NOL4: variants seen among roughly 807,000 people sequenced by gnomAD.
NOL4 encodes the protein cancer/testis antigen 125.
In NOL4, 17 loss-of-function variants were observed where a neutral mutation model predicts 75.9. That is an observed-to-expected ratio of 0.22 (90% CI 0.15 to 0.34). The LOEUF is 0.34. Among genes scored for constraint, NOL4 ranks in the 10% least tolerant of loss-of-function variants. The pLI is 1.00. For missense variants in NOL4, 614 were observed against 793.5 expected (o/e 0.77, Z 2.72); for synonymous variants, 292 against 289.9 (o/e 1.01, Z -0.07).
chr18:34,012,516 T>G (rs2074432485), intron 6 of NOL4, among the ~76,000 whole-genome samples: 2 of 151,868 alleles, frequency 1.3e-5, no homozygotes, highest in African/African-American at 4.8e-5. Flanking sequence ...TGTGTTTATA[T>G]GCAAAATACA....
intron 1 of NOL4, among the ~76,000 whole-genome samples, chr18:34,159,158 G>C (rs2030992515): frequency 6.6e-6 from 1 of 152,156 alleles, no homozygotes; most frequent in Non-Finnish European, 1.5e-5. Flanking sequence ...GGGGGTGGCA[G>C]GGAGAAAGGC....
At chr18:34,194,986 T>C (rs1013366712) in intron 1 of NOL4, among the ~76,000 whole-genome samples, 3 of 150,330 alleles carry the variant, frequency 2.0e-5, no homozygotes, top group Non-Finnish European at 3.0e-5. Flanking sequence ...ATCACGCCAT[T>C]GCACTCCAGC....
At chr18:33,909,537 G>A (rs1054663050) in intron 9 of NOL4, among the ~76,000 whole-genome samples, 8 of 152,026 alleles carry the variant, frequency 5.3e-5, no homozygotes, top group African/African-American at 1.9e-4. Context: ...CTGAAATCCT[G>A]ATCTTAATTA....
chr18:33,962,547 T>C (rs1056241373), intron 6 of NOL4, among the ~76,000 whole-genome samples: 19 of 152,178 alleles, frequency 1.2e-4, no homozygotes, highest in African/African-American at 4.3e-4. Flanking sequence ...TACTAACATA[T>C]CATAACTATA....
In NOL4 at chr18:33,852,851, T is replaced by C. The variant is rs768047659; in HGVS notation, c.1908A>G (p.Gln636=). The C allele has an allele frequency of 2.5e-6, 4 of 1,611,954 alleles. No individual in the cohort carries two copies. Among genetic ancestry groups the C allele is most frequent in the African/African-American group, 1.3e-5 (1 of 74,818 alleles). ...ATGGTGGTCGTCTGTCTCAGTTCTG[T>C]TGTAAAATGAGATTTTCCAGTTCAT... The part of the protein sequence containing the change: ...SADELENLIL[Q]QN The change falls in exon 11 of 11, where the codon CAA becomes CAG. Residue 636 remains glutamine (Q), a synonymous_variant. Coordinates refer to ENST00000261592, the MANE Select transcript of NOL4 (RefSeq NM_003787.5).
chr18:34,076,827 G>A (rs1304551231), intron 5 of NOL4, among the ~76,000 whole-genome samples: 1 of 151,998 alleles, frequency 6.6e-6, no homozygotes, highest in Admixed American at 6.6e-5. Context: ...CTACAAAATC[G>A]TTGCTAGTAA....
In NOL4 at chr18:34,155,448, T is replaced by A. The variant is rs543969301; in HGVS notation, c.265-25428A>T. 1.1e-4 allele frequency among the ~76,000 whole-genome samples: 16 copies of A among 152,062 alleles called. No individual in the cohort carries two copies. The South Asian group carries it at 3.3e-3, about 32-fold the overall frequency. On this transcript the variant is annotated intron_variant, in intron 1 of 10. Coordinates refer to ENST00000261592, the MANE Select transcript of NOL4 (RefSeq NM_003787.5). ...GGAATTACAGTCATGCATTGCTTAA[T>A]GAGGGGGATATATTCTGAGAAATGC...
chr18:33,863,717 G>T (rs1232896980), intron 10 of NOL4, among the ~76,000 whole-genome samples: 1 of 152,168 alleles, frequency 6.6e-6, no homozygotes, highest in Non-Finnish European at 1.5e-5. Context: ...GTTGTCAGTG[G>T]ATCTACTATT....
intron 1 of NOL4, among the ~76,000 whole-genome samples, chr18:34,139,071 T>C (rs534287027): frequency 2.0e-5 from 3 of 152,184 alleles, no homozygotes; most frequent in Non-Finnish European, 4.4e-5. Flanking sequence ...CTGCTGGATT[T>C]GAATTGCCAG....
intron 1 of NOL4, among the ~76,000 whole-genome samples, chr18:34,215,589 G>A (rs1272624598): frequency 2.0e-5 from 3 of 152,138 alleles, no homozygotes; most frequent in Non-Finnish European, 4.4e-5. Flanking sequence ...GCTATCCATG[G>A]AGAGAGGGAA....
chr18:34,223,450 G>C lies in NOL4; in HGVS notation c.-197C>G, dbSNP rs1054266541. ...TGGGCACCAGCAATCAATGCCCCGT[G>C]CTACCAAGTCTGGTCCATTCGTAAT... On this transcript the variant is annotated 5_prime_UTR_variant, in exon 1 of 11. Transcript: ENST00000261592. 1.2e-5 allele frequency: 8 copies of C among 666,466 alleles called. No individual in the cohort carries two copies. The African/African-American group carries it at 1.5e-4, about 12-fold the overall frequency. The allele number at this position is 666,466 out of a possible 1,614,324, so 41.3% of individuals were successfully genotyped here.
At chr18:34,070,624 A>G (rs1278235600) in intron 5 of NOL4, among the ~76,000 whole-genome samples, 1 of 152,186 alleles carries the variant, frequency 6.6e-6, no homozygotes, top group Non-Finnish European at 1.5e-5. Context: ...ATCCTCCTTT[A>G]AAAGTGAGTG....
At chr18:34,003,885 G>A (rs2073883456) in intron 6 of NOL4, among the ~76,000 whole-genome samples, 1 of 151,976 alleles carries the variant, frequency 6.6e-6, no homozygotes, top group Admixed American at 6.6e-5. Flanking sequence ...GGTCAGACGT[G>A]CCTCATTATA....
chr18:34,144,418 G>C (rs549336639), intron 1 of NOL4, among the ~76,000 whole-genome samples: 2 of 152,094 alleles, frequency 1.3e-5, no homozygotes, highest in East Asian at 3.9e-4. Context: ...AAGCTTCAAA[G>C]AACAAGAACT....
At chr18:34,021,029 T>C (rs2075007373) in intron 5 of NOL4, among the ~76,000 whole-genome samples, 2 of 152,192 alleles carry the variant, frequency 1.3e-5, no homozygotes, top group Non-Finnish European at 2.9e-5. Flanking sequence ...TTCTAATCAA[T>C]TACATTCATG....
At chr18:34,106,129 T>C (rs1231649637) in intron 2 of NOL4, among the ~76,000 whole-genome samples, 1 of 152,068 alleles carries the variant, frequency 6.6e-6, no homozygotes, top group African/African-American at 2.4e-5. Flanking sequence ...ATGCCACAGA[T>C]GATTTCTTAG....
intron 1 of NOL4, among the ~76,000 whole-genome samples, chr18:34,159,455 G>T (rs1052408416): frequency 2.0e-4 from 30 of 152,292 alleles, no homozygotes; most frequent in Non-Finnish European, 2.5e-4. Context: ...CGGGCTCGAA[G>T]CCGCGGGCCT....
In NOL4 at chr18:33,945,500, A is replaced by C. The variant is rs145689176; in HGVS notation, c.1429-2322T>G. Among the ~76,000 whole-genome samples, 238 of 151,876 alleles carry C rather than the reference A, an allele frequency of 1.6e-3. 1 individual carries two copies. The highest frequency in any genetic ancestry group is 5.5e-3 in the African/African-American group (227 of 41,516). On this transcript the variant is annotated intron_variant, in intron 8 of 10. Transcript: ENST00000261592. Reference sequence around the variant, plus strand: ...ACTCAACTTCTACTAAAGCAGTAAAAGTTGTTATGCATAATAATTTATGTA... The same window carrying C: ...ACTCAACTTCTACTAAAGCAGTAAACGTTGTTATGCATAATAATTTATGTA...
chr18:33,902,247 T>C (rs2065788777), intron 9 of NOL4, among the ~76,000 whole-genome samples: 1 of 152,144 alleles, frequency 6.6e-6, no homozygotes, highest in Non-Finnish European at 1.5e-5. Context: ...GGTTTGCTCC[T>C]AATAAAATTA....
Sources: allele counts gnomAD v4.1 joint callset (sites outside exome capture counted in the v4.1 genomes callset), GRCh38; gene constraint gnomAD v4.1.1; transcripts MANE v1.5; gene names NCBI Gene and HGNC (gene_info 2026-07-23, HGNC 2026-07-21).